Variants in UBXN7 observed in about 807,000 individuals in gnomAD.
UBXN7 encodes the protein UBX domain-containing protein 7.
Under a neutral mutation model 58.0 loss-of-function variants are expected in UBXN7, and 9 were observed. The observed-to-expected ratio is 0.16, with a 90% CI of 0.09 to 0.27. The LOEUF is 0.27. UBXN7 is among the 10% of genes least tolerant of loss of function. The pLI is 1.00. For missense variants in UBXN7, 328 were observed against 599.6 expected (o/e 0.55, Z 4.73); for synonymous variants, 208 against 205.0 (o/e 1.01, Z -0.12).
chr3:196,376,365 G>A (rs1577443671), intron 5 of UBXN7, among the ~76,000 whole-genome samples: 1 of 151,700 alleles, frequency 6.6e-6, no homozygotes, highest in East Asian at 1.9e-4. Flanking sequence ...CAATATGGTG[G>A]TGAAACCTCG....
Position 196,376,561 on chromosome 3 carries a change from A to AG in UBXN7, c.469-4520_469-4519insC, listed in dbSNP as rs1159562901. ...ACTCTGTCTCAAAAAAAAAAAAAAA[A>AG]AAAAAAAGAAAAGAAAAGAAAAAGG... On this transcript the variant is annotated intron_variant, in intron 5 of 10. Coordinates refer to ENST00000296328, the MANE Select transcript of UBXN7 (RefSeq NM_015562.2). Among the ~76,000 whole-genome samples the AG allele has an allele frequency of 2.3e-4, 34 of 150,742 alleles. 1 individual carries two copies. Among genetic ancestry groups the AG allele is most frequent in the African/African-American group, 7.0e-4 (29 of 41,266 alleles).
At chr3:196,377,484 C>G (rs774102144) in intron 5 of UBXN7, among the ~76,000 whole-genome samples, 1 of 152,150 alleles carries the variant, frequency 6.6e-6, no homozygotes, top group Non-Finnish European at 1.5e-5. Flanking sequence ...ATATGTGGAA[C>G]CTACGAAATC....
intron 1 of UBXN7, among the ~76,000 whole-genome samples, chr3:196,408,881 T>G (rs1057034545): frequency 3.3e-5 from 5 of 152,200 alleles, no homozygotes; most frequent in Non-Finnish European, 7.3e-5. Flanking sequence ...TTTGTCAGGG[T>G]GATTTTATTT....
At chr3:196,367,120 T>C (rs758457088) in intron 8 of UBXN7, among the ~76,000 whole-genome samples, 7 of 151,488 alleles carry the variant, frequency 4.6e-5, no homozygotes, top group South Asian at 2.1e-4. Flanking sequence ...GAGGCGAAGG[T>C]TGCAGTGAGC....
At chr3:196,420,823 G>A (rs1226356458) in intron 1 of UBXN7, among the ~76,000 whole-genome samples, 1 of 152,100 alleles carries the variant, frequency 6.6e-6, no homozygotes, top group African/African-American at 2.4e-5. Context: ...ATACTCTAAT[G>A]CACATTGTCT....
Position 196,390,469 on chromosome 3 carries a change from C to T in UBXN7, c.468+1344G>A, listed in dbSNP as rs149165667. ...GTAAGACTTAACTGAAGGCTGGGCG[C>T]GGTGGCTCACGCCTGTAATCCCAGC... On this transcript the variant is annotated intron_variant, in intron 5 of 10. Coordinates refer to ENST00000296328, the MANE Select transcript of UBXN7 (RefSeq NM_015562.2). 3.8e-3 allele frequency among the ~76,000 whole-genome samples: 575 copies of T among 151,784 alleles called. 8 individuals carry two copies. The highest frequency in any genetic ancestry group is 0.026 in the East Asian group (132 of 5,080).
chr3:196,414,228 G>A (rs760524513), intron 1 of UBXN7, among the ~76,000 whole-genome samples: 8 of 152,024 alleles, frequency 5.3e-5, no homozygotes, highest in African/African-American at 7.3e-5. Context: ...CAGGTGATCC[G>A]CCTGCCTTGG....
intron 1 of UBXN7, among the ~76,000 whole-genome samples, chr3:196,430,049 G>A (rs1042141591): frequency 8.5e-5 from 13 of 152,120 alleles, no homozygotes; most frequent in Admixed American, 5.2e-4. Flanking sequence ...ATAAGAAACT[G>A]AAAATTAATT....
chr3:196,371,389 A>G (rs1435449880), intron 6 of UBXN7, among the ~76,000 whole-genome samples: 1 of 151,926 alleles, frequency 6.6e-6, no homozygotes, highest in Non-Finnish European at 1.5e-5. Flanking sequence ...AGTTAATTTC[A>G]TCTATTTTGA....
chr3:196,364,793 C>G (rs1172123053), intron 8 of UBXN7, among the ~76,000 whole-genome samples: 1 of 151,592 alleles, frequency 6.6e-6, no homozygotes, highest in African/African-American at 2.4e-5. Flanking sequence ...ACCTGCCAGG[C>G]TCAAGCAATC....
At chr3:196,425,694 C>T (rs1436966932) in intron 1 of UBXN7, among the ~76,000 whole-genome samples, 1 of 152,184 alleles carries the variant, frequency 6.6e-6, no homozygotes, top group Non-Finnish European at 1.5e-5. Context: ...CTGTGCTTTA[C>T]TCATTTGGAA....
chr3:196,401,806 AAG>A (rs1553853044), intron 3 of UBXN7, among the ~76,000 whole-genome samples: 2 of 136,658 alleles, frequency 1.5e-5, no homozygotes, highest in Non-Finnish European at 3.1e-5. Flanking sequence ...AAAGGAAAGA[AAG>A]AAAAGAAAAG....
chr3:196,368,623 A>G (rs1728733167), intron 7 of UBXN7, among the ~76,000 whole-genome samples: 1 of 152,190 alleles, frequency 6.6e-6, no homozygotes, highest in African/African-American at 2.4e-5. Context: ...CTCACCTAAC[A>G]GATTCCCACC....
rs1349074125 is a variant in UBXN7, at chr3:196,432,423, A to G, written c.-24T>C. The G allele has an allele frequency of 1.3e-6, 2 of 1,577,248 alleles. No individual in the cohort carries two copies. Among genetic ancestry groups the G allele is most frequent in the Admixed American group, 1.7e-5 (1 of 58,190 alleles). On this transcript the variant is annotated 5_prime_UTR_variant, in exon 1 of 11. Transcript: ENST00000296328. Reference sequence around the variant, plus strand: ...ATCTTACCGCCGCCGCCGCCGCCGAACAACAACACAGACACACACGGACTG... The same window carrying G: ...ATCTTACCGCCGCCGCCGCCGCCGAGCAACAACACAGACACACACGGACTG...
At position 196,432,315 on chromosome 3, in the gene UBXN7, C is replaced by T. The variant is rs1430206395; in HGVS notation, c.73+12G>A. On this transcript the variant is annotated intron_variant, in intron 1 of 10. Transcript: ENST00000296328. ...ACCCCACTCTCCACCTTCCGGTAAC[C>T]GCGTCTCTTACCGGTAATGGTGGTG... 5 of 1,613,408 alleles carry T rather than the reference C, an allele frequency of 3.1e-6. No individual in the cohort carries two copies. Among genetic ancestry groups the T allele is most frequent in the Non-Finnish European group, 4.2e-6 (5 of 1,179,774 alleles).
chr3:196,395,803 T>C (rs1046767016), intron 3 of UBXN7, among the ~76,000 whole-genome samples: 1 of 152,030 alleles, frequency 6.6e-6, no homozygotes, highest in Non-Finnish European at 1.5e-5. Flanking sequence ...TCTCACTCTG[T>C]TGCCCAGGCT....
chr3:196,377,219 G>GT (rs1020527034), intron 5 of UBXN7, among the ~76,000 whole-genome samples: 1 of 152,186 alleles, frequency 6.6e-6, no homozygotes, highest in African/African-American at 2.4e-5. Flanking sequence ...TTACAGCATG[G>GT]TGGGGAAAGA....
chr3:196,372,639 G>C (rs1728876858), intron 5 of UBXN7, among the ~76,000 whole-genome samples: 1 of 151,912 alleles, frequency 6.6e-6, no homozygotes, highest in Non-Finnish European at 1.5e-5. Context: ...ATCATGACCG[G>C]TAATGGCTGA....
chr3:196,376,693 A>G (rs1418223754), intron 5 of UBXN7, among the ~76,000 whole-genome samples: 1 of 151,910 alleles, frequency 6.6e-6, no homozygotes, highest in East Asian at 1.9e-4. Context: ...TAGTAATTAG[A>G]GCTAGGTGCA....
Sources: gnomAD v4.1 joint callset for allele counts (sites outside exome capture counted in the v4.1 genomes callset) on GRCh38, gnomAD v4.1.1 for gene constraint, MANE v1.5 for transcripts, NCBI Gene and HGNC (gene_info 2026-07-23, HGNC 2026-07-21) for gene names.